PALS1: variants seen among roughly 807,000 people sequenced by gnomAD.
PALS1 encodes protein associated with LIN7 1, MAGUK p55 family member.
Under a neutral mutation model 78.9 loss-of-function variants are expected in PALS1, and 31 were observed. That is an observed-to-expected ratio of 0.39 (90% CI 0.30 to 0.53). The LOEUF is 0.53. PALS1 is among the 20% of genes least tolerant of loss of function. The pLI is 0.67. For missense variants in PALS1, 704 were observed against 826.5 expected, an observed-to-expected ratio of 0.85 and a Z score of 1.82; for synonymous variants, 276 against 270.9, an observed-to-expected ratio of 1.02 and a Z score of -0.18.
intron 14 of PALS1, among the ~76,000 whole-genome samples, chr14:67,329,525 G>T (rs1566586088): frequency 1.3e-5 from 2 of 152,194 alleles, no homozygotes; most frequent in African/African-American, 4.8e-5. Context: ...TTGAATAGGA[G>T]TGGTGAGAGA....
At chr14:67,276,890 T>A (rs963613380) in intron 2 of PALS1, among the ~76,000 whole-genome samples, 1 of 152,200 alleles carries the variant, frequency 6.6e-6, no homozygotes, top group Non-Finnish European at 1.5e-5. Context: ...TGGACACAGA[T>A]GTAGAGCTTT....
chr14:67,305,658 C>A (rs1456467907), intron 8 of PALS1, among the ~76,000 whole-genome samples: 1 of 152,112 alleles, frequency 6.6e-6, no homozygotes, highest in Non-Finnish European at 1.5e-5. Context: ...CCATTTTTTT[C>A]ATGGATAGAA....
intron 1 of PALS1, among the ~76,000 whole-genome samples, chr14:67,266,903 A>T (rs985443034): frequency 2.0e-5 from 3 of 151,958 alleles, no homozygotes; most frequent in African/African-American, 7.2e-5. Flanking sequence ...TGAGCCTAGG[A>T]GTTCGACACC....
chr14:67,311,170 G>A (rs929884027), intron 8 of PALS1, among the ~76,000 whole-genome samples: 8 of 152,206 alleles, frequency 5.3e-5, no homozygotes, highest in South Asian at 4.1e-4. Flanking sequence ...AATTAGCTGG[G>A]CGTTGTGGTG....
At chr14:67,260,321 C>T (rs929981189) in intron 1 of PALS1, among the ~76,000 whole-genome samples, 2 of 152,080 alleles carry the variant, frequency 1.3e-5, no homozygotes, top group African/African-American at 2.4e-5. Flanking sequence ...GGAGGACATT[C>T]GTGGTAAGAA....
chr14:67,289,120 C>T (rs768782993), intron 3 of PALS1, among the ~76,000 whole-genome samples: 3 of 141,046 alleles, frequency 2.1e-5, no homozygotes, highest in Non-Finnish European at 4.5e-5. Context: ...GAGCACACCG[C>T]CATAACTGGT....
At chr14:67,259,452 A>AC (rs1205666828) in intron 1 of PALS1, among the ~76,000 whole-genome samples, 1 of 151,986 alleles carries the variant, frequency 6.6e-6, no homozygotes, top group Non-Finnish European at 1.5e-5. Flanking sequence ...CTCTACTAAA[A>AC]ATATAAAAAA....
chr14:67,254,034 C>CG (rs1438924945), intron 1 of PALS1, among the ~76,000 whole-genome samples: 1 of 143,476 alleles, frequency 7.0e-6, no homozygotes, highest in South Asian at 2.4e-4. Flanking sequence ...ATCCCCCCCC[C>CG]CTTACAAGTT....
At chr14:67,323,214 TATATACAC>T (rs2085289048) in intron 13 of PALS1, among the ~76,000 whole-genome samples, 1 of 119,048 alleles carries the variant, frequency 8.4e-6, no homozygotes, top group Admixed American at 1.0e-4. Flanking sequence ...TATATATACA[TATATACAC>T]ATATATACAC....
chr14:67,320,781 T>C (rs974520336), intron 12 of PALS1, among the ~76,000 whole-genome samples: 5 of 152,138 alleles, frequency 3.3e-5, no homozygotes, highest in African/African-American at 1.2e-4. Flanking sequence ...AGATGAGTAG[T>C]AGTGTTTTAA....
At chr14:67,298,200 TAA>T (rs1376151481) in intron 4 of PALS1, among the ~76,000 whole-genome samples, 4 of 152,166 alleles carry the variant, frequency 2.6e-5, no homozygotes, top group Non-Finnish European at 5.9e-5. Flanking sequence ...ATTTCTGTTT[TAA>T]AAAGGATATT....
intron 4 of PALS1, among the ~76,000 whole-genome samples, chr14:67,295,592 A>C (rs1259480809): frequency 3.3e-5 from 5 of 152,190 alleles, no homozygotes. Flanking sequence ...CCAAATGGCC[A>C]ATAGCAATGA....
At chr14:67,332,226 C>T (rs1214446688) in intron 14 of PALS1, among the ~76,000 whole-genome samples, 2 of 152,148 alleles carry the variant, frequency 1.3e-5, no homozygotes, top group African/African-American at 4.8e-5. Context: ...GCCTGCTTAT[C>T]TTTGTAAAAT....
At chr14:67,290,463 C>T (rs1198274381) in intron 3 of PALS1, among the ~76,000 whole-genome samples, 2 of 152,240 alleles carry the variant, frequency 1.3e-5, no homozygotes, top group East Asian at 1.9e-4. Context: ...AGTGCAGTAG[C>T]GTGATCATGG....
chr14:67,245,116 G>A (rs569005240), intron 1 of PALS1, among the ~76,000 whole-genome samples: 1 of 152,304 alleles, frequency 6.6e-6, no homozygotes, highest in South Asian at 2.1e-4. Flanking sequence ...TTTTAGCCAA[G>A]GGAGACATAT....
intron 3 of PALS1, among the ~76,000 whole-genome samples, chr14:67,284,262 T>C (rs1240966034): frequency 6.6e-6 from 1 of 151,838 alleles, no homozygotes; most frequent in Non-Finnish European, 1.5e-5. Context: ...CCATAAAATT[T>C]TGTCTTTTAA....
chr14:67,324,175 T>G (rs1462361927), intron 14 of PALS1, among the ~76,000 whole-genome samples: 1 of 152,236 alleles, frequency 6.6e-6, no homozygotes, highest in African/African-American at 2.4e-5. Flanking sequence ...TCTCTTCTTT[T>G]TATCCCACTG....
At chr14:67,244,187 A>G (rs139976916) in intron 1 of PALS1, among the ~76,000 whole-genome samples, 2 of 152,182 alleles carry the variant, frequency 1.3e-5, no homozygotes, top group African/African-American at 2.4e-5. Flanking sequence ...TAATATTTCA[A>G]ACAATGTTTA....
intron 12 of PALS1, 67 bp from the exon 13 acceptor site, chr14:67,320,990 A>G: frequency 6.1e-6 from 8 of 1,311,870 alleles, no homozygotes; most frequent in South Asian, 6.0e-5. Flanking sequence ...CTTTCTGACT[A>G]GCAGAATTAT....
Sources: allele counts gnomAD v4.1 joint callset (sites outside exome capture counted in the v4.1 genomes callset), GRCh38; gene constraint gnomAD v4.1.1; transcripts MANE v1.5; gene names NCBI Gene and HGNC (gene_info 2026-07-23, HGNC 2026-07-21).